PFKL: variants seen among roughly 807,000 people sequenced by gnomAD.
PFKL encodes the protein phosphofructokinase, liver type.
A neutral mutation model predicts 92.1 loss-of-function variants in PFKL; 74 were observed. That is an observed-to-expected ratio of 0.80 (90% CI 0.67 to 0.97). The LOEUF is 0.97. Among genes scored for constraint, PFKL ranks in the 50% least tolerant of loss-of-function variants. The pLI, the probability that PFKL is intolerant of heterozygous loss-of-function variation, is 0.00. For missense variants in PFKL, 1,028 were observed against 1,116.6 expected, an observed-to-expected ratio of 0.92 and a Z score of 1.13; for synonymous variants, 494 against 456.4, an observed-to-expected ratio of 1.08 and a Z score of -1.05.
chr21:44,302,869 G>T (rs910738215), intron 1 of PFKL, among the ~76,000 whole-genome samples: 1 of 152,188 alleles, frequency 6.6e-6, no homozygotes, highest in Non-Finnish European at 1.5e-5. Flanking sequence ...AGGGGTTGGT[G>T]CTGTTGAGCA....
In PFKL at chr21:44,323,791, T is replaced by G; in HGVS notation, c.1523T>G (p.Val508Gly). The G allele has an allele frequency of 6.2e-7, 1 of 1,612,568 alleles. No individual in the cohort carries two copies. The highest frequency in any genetic ancestry group is 8.5e-7 in the Non-Finnish European group (1 of 1,179,752). Reference protein sequence around the residue: ...FEAYEGVLQLVEARGRYEELC... With the variant: ...FEAYEGVLQLGEARGRYEELC... ...GCCTATGAAGGGGTGCTGCAGCTGG[T>G]GGAGGCTCGCGGGCGCTACGAGGAG... The change falls in exon 16 of 22, where the codon GTG becomes GGG. Residue 508 changes from valine (V) to glycine (G), a missense_variant. Physicochemically the swap from Val to Gly is moderately radical, Grantham distance 109 (BLOSUM62 -3). Transcript: ENST00000349048.
At chr21:44,311,221 CAG>C in intron 3 of PFKL, 138 bp downstream of exon 3, 1 of 653,780 alleles carries the variant, frequency 1.5e-6, no homozygotes, top group Non-Finnish European at 2.7e-6. Context: ...GACATGCACA[CAG>C]ACGCACACAC....
In PFKL at chr21:44,318,591, A is replaced by G. The variant is rs756688353; in HGVS notation, c.1058A>G (p.Gln353Arg). 1 of 1,509,236 alleles carries G rather than the reference A, an allele frequency of 6.6e-7. No individual in the cohort carries two copies. The highest frequency in any genetic ancestry group is 8.9e-7 in the Non-Finnish European group (1 of 1,117,450). The allele number at this position is 1,509,236 out of a possible 1,614,324, so 93.5% of individuals were successfully genotyped here. Residue 353 changes from glutamine to arginine, a missense_variant, in exon 10 of 22, where the codon CAG becomes CGG. Physicochemically the swap from Gln to Arg is conservative, Grantham distance 43. Transcript: ENST00000349048. Reference protein sequence around the residue: ...SVRLPLMECVQMTKEVQKAMD... With the variant: ...SVRLPLMECVRMTKEVQKAMD... The stretch of plus-strand genomic sequence containing the variant: ...CGGCTGCCCCTCATGGAGTGCGTGC[A>G]GATGGTAAGCCCTGGGCCCCCCCCA...
rs368913818 is a variant in PFKL at position 44,310,960 on chromosome 21, C to T, written c.160-46C>T. 87 of 1,458,132 alleles carry T rather than the reference C, an allele frequency of 6.0e-5. 1 individual carries two copies. The Middle Eastern group carries it at 2.6e-3, about 44-fold the overall frequency. 90.3% of individuals were successfully genotyped at this position (1,458,132 alleles called of 1,614,324 possible). ...TGCTCCCAGACCACTTGCTGCCGGC[C>T]GCCATGGGGTCCCCTATCTCATGCC... On this transcript the variant is annotated intron_variant, in intron 2 of 21. Coordinates refer to ENST00000349048, the MANE Select transcript of PFKL (RefSeq NM_002626.6).
chr21:44,325,362 G>T, intron 19 of PFKL, 98 bp downstream of exon 19: 1 of 780,780 alleles, frequency 1.3e-6, no homozygotes, highest in South Asian at 1.5e-5. Flanking sequence ...GCACCCACGG[G>T]CACTCCCGGC....
At chr21:44,323,326 C>A (rs995733607) in intron 15 of PFKL, among the ~76,000 whole-genome samples, 4 of 152,272 alleles carry the variant, frequency 2.6e-5, no homozygotes, top group African/African-American at 9.6e-5. Flanking sequence ...CGATTAACCC[C>A]AGTGCTGGGG....
intron 1 of PFKL, 125 bp from the exon 2 acceptor site, chr21:44,306,556 C>A: frequency 2.6e-6 from 2 of 775,904 alleles, no homozygotes; most frequent in African/African-American, 1.7e-5. Flanking sequence ...CCTTCCCCCA[C>A]CACCCGCCCT....
intron 9 of PFKL, 128 bp downstream of exon 9, chr21:44,316,652 G>A (rs2047215275): frequency 2.9e-6 from 2 of 694,130 alleles, no homozygotes; most frequent in East Asian, 2.7e-5. Context: ...GAGTGTCCGT[G>A]TCTGTGTGTG....
At chr21:44,302,261 G>A (rs1601983719) in intron 1 of PFKL, among the ~76,000 whole-genome samples, 1 of 152,246 alleles carries the variant, frequency 6.6e-6, no homozygotes, top group Admixed American at 6.5e-5. Flanking sequence ...CAGCTGCAGC[G>A]TCTCTGTATG....
chr21:44,310,685 C>A (rs1430235928), intron 2 of PFKL, among the ~76,000 whole-genome samples: 1 of 152,146 alleles, frequency 6.6e-6, no homozygotes, highest in Non-Finnish European at 1.5e-5. Flanking sequence ...ATGGCGGGCT[C>A]CGCTGGGGCC....
At chr21:44,301,721 C>T (rs922051086) in intron 1 of PFKL, among the ~76,000 whole-genome samples, 2 of 152,134 alleles carry the variant, frequency 1.3e-5, no homozygotes, top group South Asian at 2.1e-4. Flanking sequence ...ACCAGGGAGG[C>T]GCTTTCTTGG....
At chr21:44,306,623 G>GGT in intron 1 of PFKL, 58 bp from the exon 2 acceptor site, 1 of 1,485,298 alleles carries the variant, frequency 6.7e-7, no homozygotes, top group Middle Eastern at 1.9e-4. Context: ...AGATGGGGAG[G>GGT]GTGTCCAGGG....
chr21:44,318,411 G>T, intron 9 of PFKL, 59 bp from the exon 10 acceptor site: 1 of 1,396,340 alleles, frequency 7.2e-7, no homozygotes. Flanking sequence ...CAGAGGATGG[G>T]CATGTGGCTT....
chr21:44,304,301 C>A (rs1382661118), intron 1 of PFKL: 1 of 1,289,172 alleles, frequency 7.8e-7, no homozygotes, highest in Admixed American at 2.3e-5. Context: ...ACCAGGCCCC[C>A]TGCTGAGATG....
intron 4 of PFKL, 104 bp downstream of exon 4, chr21:44,312,398 C>T (rs2047073667): frequency 8.9e-7 from 1 of 1,125,740 alleles, no homozygotes; most frequent in Admixed American, 3.4e-5. Flanking sequence ...CCTGGGTGCC[C>T]CGAGGCAGAG....
intron 12 of PFKL, chr21:44,320,419 A>G: frequency 2.8e-6 from 1 of 356,940 alleles, no homozygotes; most frequent in Admixed American, 4.5e-5. Context: ...AACTCAGGAG[A>G]GGAGAAGCCA....
intron 5 of PFKL, 152 bp downstream of exon 5, chr21:44,313,295 G>C: frequency 1.1e-6 from 1 of 879,448 alleles, no homozygotes; most frequent in Non-Finnish European, 1.7e-6. Flanking sequence ...CTGGGGGAAC[G>C]CACAGCGGGC....
chr21:44,305,315 G>A (rs1170561116), intron 1 of PFKL: 4 of 1,365,150 alleles, frequency 2.9e-6, no homozygotes, highest in African/African-American at 1.5e-5. Flanking sequence ...AAGCTGGAGA[G>A]CGGATGAGAA....
chr21:44,326,186 C>T lies in PFKL; in HGVS notation c.2117C>T (p.Ser706Leu), dbSNP rs753053886. Residue 706 changes from serine (S) to leucine (L), a missense_variant, in exon 21 of 22, where the codon TCG becomes TTG. Coordinates refer to ENST00000349048, the MANE Select transcript of PFKL (RefSeq NM_002626.6). The part of the protein sequence containing the change: ...KGRVFANAPD[S>L]ACVIGLKKKA... ...CGGGTGTTCGCCAATGCCCCAGACT[C>T]GGCCTGCGTGATCGGCCTGAAGAAG... 1.6e-5 allele frequency: 25 copies of T among 1,612,862 alleles called. No homozygotes were observed. Among genetic ancestry groups the T allele is most frequent in the South Asian group, 6.6e-5 (6 of 91,008 alleles).
Sources: gnomAD v4.1 joint callset for allele counts (sites outside exome capture counted in the v4.1 genomes callset) on GRCh38, gnomAD v4.1.1 for gene constraint, MANE v1.5 for transcripts, NCBI Gene and HGNC (gene_info 2026-07-23, HGNC 2026-07-21) for gene names.